FAM149A: variants seen among roughly 807,000 people sequenced by gnomAD.
The protein encoded by FAM149A is protein FAM149A.
In FAM149A, 71 loss-of-function variants were observed where a neutral mutation model predicts 78.2. The observed-to-expected ratio is 0.91, with a 90% CI of 0.75 to 1.11. The LOEUF (loss-of-function observed/expected upper bound fraction) is 1.11. Ranked by LOEUF, FAM149A falls within the 50% of genes least tolerant of loss-of-function variation. The probability of loss-of-function intolerance (pLI) is 0.00; values close to 1 mark genes in which losing one functional copy is unlikely to be tolerated. For synonymous variants in FAM149A, 446 were observed against 410.5 expected (o/e 1.09, Z -1.04); for missense variants, 1,036 against 971.0 (o/e 1.07, Z -0.89).
rs2150072706 is a variant in FAM149A at position 186,105,485 on chromosome 4, T to A, written c.409T>A (p.Trp137Arg). The change falls in exon 1 of 14, where the codon TGG (tryptophan) becomes AGG (arginine). Residue 137 changes from tryptophan (W) to arginine (R), a missense_variant. Transcript: ENST00000389354. ...GCCGCCCTCGGGCCCCGGCGGGGTC[T>A]GGGCCGCGCTCCCCAGGAACCCGCT... The A allele has an allele frequency of 8.3e-7, 1 of 1,204,180 alleles. No individual in the cohort carries two copies. Among genetic ancestry groups the A allele is most frequent in the South Asian group, 1.4e-5 (1 of 69,252 alleles). The allele number at this position is 1,204,180 out of a possible 1,614,324, so 74.6% of individuals were successfully genotyped here.
At position 186,125,316 on chromosome 4, in the gene FAM149A, G is replaced by A. The variant is rs79866125; in HGVS notation, c.566+19674G>A. ...CTGCTTCTCGAACCATATCTTTCTC[G>A]TTGGATGAACACAGAGCCAGGATGC... On this transcript the variant is annotated intron_variant, in intron 1 of 13. Coordinates refer to ENST00000389354, the MANE Select transcript of FAM149A (RefSeq NM_001367768.3). 4.6e-3 allele frequency: 4,574 copies of A among 985,244 alleles called. 143 individuals carry two copies. The African/African-American group carries it at 0.071, about 15-fold the overall frequency. 61.0% of individuals were successfully genotyped at this position (985,244 alleles called of 1,614,324 possible).
chr4:186,115,300 A>ATT lies in FAM149A; in HGVS notation c.566+9664_566+9665dup, dbSNP rs758938626. Among the ~76,000 whole-genome samples, 48 of 84,532 alleles carry ATT rather than the reference A, an allele frequency of 5.7e-4. 1 individual carries two copies. The highest frequency in any genetic ancestry group is 2.1e-3 in the African/African-American group (47 of 21,960). 55.5% of individuals were successfully genotyped at this position (84,532 alleles called of 152,430 possible). Reference sequence around the variant, plus strand: ...TTATTCTAGTTATGCATTCTTCTAAATTTTTTTCAAAGTTTTCAACTTCTT... The same window carrying ATT: ...TTATTCTAGTTATGCATTCTTCTAAATTTTTTTTTCAAAGTTTTCAACTTCTT... On this transcript the variant is annotated intron_variant, in intron 1 of 13. Transcript: ENST00000389354.
At chr4:186,118,371 C>A in intron 1 of FAM149A, 2 of 322,548 alleles carry the variant, frequency 6.2e-6, no homozygotes, top group Non-Finnish European at 8.9e-6. Flanking sequence ...GCGGTAAGTG[C>A]AGAAAGGGAG....
chr4:186,163,731 CTAGTTTTACA>C (rs1734798395), intron 10 of FAM149A, 98 bp downstream of exon 10: 1 of 870,188 alleles, frequency 1.1e-6, no homozygotes, highest in African/African-American at 1.7e-5. Context: ...GCATCCCTAC[CTAGTTTTACA>C]TAGATGCTTT....
chr4:186,105,043 GCGGCGGCGAGGA>G lies in FAM149A; in HGVS notation c.-28_-17del, dbSNP rs1352393718. 9 of 1,263,834 alleles carry G rather than the reference GCGGCGGCGAGGA, an allele frequency of 7.1e-6. No homozygotes were observed. Among genetic ancestry groups the G allele is most frequent in the Non-Finnish European group, 8.2e-6 (8 of 977,750 alleles). The allele number at this position is 1,263,834 out of a possible 1,614,324, so 78.3% of individuals were successfully genotyped here. A position where few individuals can be genotyped will look rare whatever the true frequency, so the allele number is the denominator to read the frequency against. ...GGATCTCCGCGGTCTGAACTCTCGG[GCGGCGGCGAGGA>G]CGGCGTGTCCACTGTCGAGGCATGA... On this transcript the variant is annotated 5_prime_UTR_variant, in exon 1 of 14. Transcript: ENST00000389354.
rs761617308 is a variant in FAM149A at position 186,105,099 on chromosome 4, T to C, written c.23T>C (p.Leu8Pro). Residue 8 changes from leucine to proline, a missense_variant, in exon 1 of 14, where the codon CTT (leucine) becomes CCT (proline). By Grantham distance (98) the Leu-to-Pro change is moderately conservative. Transcript: ENST00000389354. Reference sequence around the variant, plus strand: ...GGCATGAAGGCTGCTGTGCTGGACCTTGGGTCTCTCTTGGCCAAACTCTTC... The same window carrying C: ...GGCATGAAGGCTGCTGTGCTGGACCCTGGGTCTCTCTTGGCCAAACTCTTC... 2 of 1,280,920 alleles carry C rather than the reference T, an allele frequency of 1.6e-6. No homozygotes were observed. Among genetic ancestry groups the C allele is most frequent in the South Asian group, 2.5e-5 (2 of 80,760 alleles). 79.3% of individuals were successfully genotyped at this position (1,280,920 alleles called of 1,614,324 possible). A position where few individuals can be genotyped will look rare whatever the true frequency, so the allele number is the denominator to read the frequency against.
In FAM149A at chr4:186,105,084, C is replaced by T. The variant is rs1042818881; in HGVS notation, c.8C>T (p.Ala3Val). ...CGTGTCCACTGTCGAGGCATGAAGG[C>T]TGCTGTGCTGGACCTTGGGTCTCTC... The change falls in exon 1 of 14, where the codon GCT becomes GTT. Residue 3 changes from alanine (A) to valine (V), a missense_variant. Physicochemically the swap from Ala to Val is moderately conservative, Grantham distance 64. This residue lies in a region of FAM149A where 316 missense variants were observed against 241.9 expected (regional missense o/e 1.31). Transcript: ENST00000389354. 1 of 1,276,724 alleles carries T rather than the reference C, an allele frequency of 7.8e-7. No individual in the cohort carries two copies. Among genetic ancestry groups the T allele is most frequent in the African/African-American group, 1.6e-5 (1 of 63,352 alleles). 79.1% of individuals were successfully genotyped at this position (1,276,724 alleles called of 1,614,324 possible). A position where few individuals can be genotyped will look rare whatever the true frequency, so the allele number is the denominator to read the frequency against.
intron 1 of FAM149A, chr4:186,110,155 T>C (rs559814063): frequency 1.0e-6 from 1 of 985,446 alleles, no homozygotes; most frequent in Middle Eastern, 5.2e-4. Context: ...AGCAAATATT[T>C]ATTGAATGGA....
At chr4:186,120,809 AAGTT>A (rs1463021330) in intron 1 of FAM149A, among the ~76,000 whole-genome samples, 7 of 148,738 alleles carry the variant, frequency 4.7e-5, no homozygotes, top group African/African-American at 1.5e-4. Context: ...AAAAAAAAAA[AAGTT>A]AGTAATCTAA....
In FAM149A at chr4:186,144,753, C is replaced by A; in HGVS notation, c.567-4420C>A. 2.2e-6 allele frequency: 2 copies of A among 915,054 alleles called. No homozygotes were observed. The highest frequency in any genetic ancestry group is 2.6e-6 in the Non-Finnish European group (2 of 766,168). The allele number at this position is 915,054 out of a possible 1,614,324, so 56.7% of individuals were successfully genotyped here. A position where few individuals can be genotyped will look rare whatever the true frequency, so the allele number is the denominator to read the frequency against. On this transcript the variant is annotated intron_variant, in intron 1 of 13. Transcript: ENST00000389354. This position sits in a 1 kb window ranked among gnomAD's most constrained non-coding sequence, Gnocchi z 4.2. Reference sequence around the variant, plus strand: ...CCGGGGCCGGGGCCGGGGCCCGGAGCGGGGATGGGCGGGCGCAGCCGGGAT... The same window carrying A: ...CCGGGGCCGGGGCCGGGGCCCGGAGAGGGGATGGGCGGGCGCAGCCGGGAT...
chr4:186,129,600 A>T (rs1398010), intron 1 of FAM149A, among the ~76,000 whole-genome samples: 98,114 of 152,002 alleles, frequency 0.65, 31,978 homozygotes, highest in African/African-American at 0.74. Context: ...TAGGGTGACC[A>T]GCAAATAGAG....
intron 1 of FAM149A, chr4:186,124,071 A>G (rs1293821926): frequency 3.8e-6 from 3 of 795,806 alleles, no homozygotes; most frequent in Non-Finnish European, 4.1e-6. Flanking sequence ...TAGGTCATCC[A>G]CTAGAGGTAC....
chr4:186,123,650 C>A, intron 1 of FAM149A: 1 of 229,214 alleles, frequency 4.4e-6, no homozygotes, highest in Non-Finnish European at 7.2e-6. Context: ...GAAGTGGGGT[C>A]CAGGAAACAG....
intron 9 of FAM149A, 40 bp downstream of exon 9, chr4:186,162,988 C>A: frequency 2.6e-6 from 3 of 1,157,318 alleles, no homozygotes; most frequent in South Asian, 1.3e-5. Context: ...AGCCTCTTCC[C>A]TGTGCTGCAA....
chr4:186,125,787 G>A (rs2099318059), intron 1 of FAM149A: 1 of 985,232 alleles, frequency 1.0e-6, no homozygotes, highest in Admixed American at 6.1e-5. Flanking sequence ...GGCAAGCTGG[G>A]GCCATGAATA....
At chr4:186,150,192 G>C (rs577220241) in intron 3 of FAM149A, among the ~76,000 whole-genome samples, 2 of 152,046 alleles carry the variant, frequency 1.3e-5, no homozygotes, top group African/African-American at 2.4e-5. Flanking sequence ...GGCTGGGCGA[G>C]CTCTGCCTCC....
Position 186,144,896 on chromosome 4 carries a change from C to CG in FAM149A, c.567-4274dup. The CG allele has an allele frequency of 1.0e-6, 1 of 970,764 alleles. No individual in the cohort carries two copies. The highest frequency in any genetic ancestry group is 1.2e-6 in the Non-Finnish European group (1 of 823,458). 60.1% of individuals were successfully genotyped at this position (970,764 alleles called of 1,614,324 possible). A position where few individuals can be genotyped will look rare whatever the true frequency, so the allele number is the denominator to read the frequency against. On this transcript the variant is annotated intron_variant, in intron 1 of 13. Transcript: ENST00000389354. This position sits in a 1 kb window ranked among gnomAD's most constrained non-coding sequence, Gnocchi z 4.2. ...GAGCCCCGCGGACCCCGGGCGCGCC[C>CG]GGGCCGCCTGAGCTGGGCCAGCCGC...
chr4:186,155,856 T>C, intron 6 of FAM149A, 144 bp from the exon 7 acceptor site: 2 of 558,088 alleles, frequency 3.6e-6, no homozygotes, highest in East Asian at 3.5e-5. Context: ...AAAAAAATTA[T>C]ATATGTTAAA....
chr4:186,154,525 A>G lies in FAM149A; in HGVS notation c.1116A>G (p.Pro372=). 1 of 1,614,160 alleles carries G rather than the reference A, an allele frequency of 6.2e-7. No individual in the cohort carries two copies. Among genetic ancestry groups the G allele is most frequent in the African/African-American group, 1.3e-5 (1 of 75,046 alleles). ...CAGCACTCTCAGCCTCTGCCCTGCC[A>G]GGCCCTGATGACACAGGGGTTGCTG... The change falls in exon 6 of 14, where the codon CCA becomes CCG. Residue 372 remains proline (P), a synonymous_variant. Coordinates refer to ENST00000389354, the MANE Select transcript of FAM149A (RefSeq NM_001367768.3).
Sources: allele counts gnomAD v4.1 joint callset (sites outside exome capture counted in the v4.1 genomes callset), GRCh38; gene constraint gnomAD v4.1.1; regional missense constraint gnomAD v4.1.1; non-coding constraint Gnocchi (gnomAD v3.1); transcripts MANE v1.5; gene names NCBI Gene and HGNC (gene_info 2026-07-23, HGNC 2026-07-21).